The following CPNE4 variants were observed in gnomAD, a reference collection of about 807,000 sequenced individuals.
The protein encoded by CPNE4 is copine-4.
Under a neutral mutation model 67.9 loss-of-function variants are expected in CPNE4, and 25 were observed. That is an observed-to-expected ratio of 0.37 (90% CI 0.27 to 0.51). The LOEUF (loss-of-function observed/expected upper bound fraction) is 0.51. CPNE4 is among the 20% of genes least tolerant of loss of function. The pLI is 0.93. For synonymous variants in CPNE4, 242 were observed against 244.9 expected (o/e 0.99, Z 0.11); for missense variants, 464 against 690.8 (o/e 0.67, Z 3.68).
At chr3:131,628,455 T>C (rs1012169326) in intron 7 of CPNE4, among the ~76,000 whole-genome samples, 5 of 152,268 alleles carry the variant, frequency 3.3e-5, no homozygotes, top group Admixed American at 1.3e-4. Context: ...TTGATTGGAA[T>C]AGTTTCAGAA....
chr3:131,978,551 T>TATAA (rs2072816058), intron 1 of CPNE4, among the ~76,000 whole-genome samples: 1 of 87,244 alleles, frequency 1.1e-5, no homozygotes, highest in African/African-American at 4.9e-5. Flanking sequence ...AATATATATA[T>TATAA]ATATATATGC....
intron 3 of CPNE4, among the ~76,000 whole-genome samples, chr3:131,714,203 T>C (rs1329313362): frequency 2.0e-5 from 3 of 152,118 alleles, no homozygotes; most frequent in Admixed American, 1.3e-4. Context: ...CTCAGCATCA[T>C]CATAACACCC....
intron 15 of CPNE4, among the ~76,000 whole-genome samples, chr3:131,541,878 T>C (rs112731802): frequency 0.039 from 5,986 of 151,840 alleles, 280 homozygotes; most frequent in African/African-American, 0.11. Flanking sequence ...ACCATGTTGG[T>C]CAGGCTGGTC....
chr3:131,800,081 T>A (rs954381643), intron 2 of CPNE4, among the ~76,000 whole-genome samples: 2 of 152,042 alleles, frequency 1.3e-5, no homozygotes, highest in Admixed American at 1.3e-4. Flanking sequence ...CTTCTAATGA[T>A]CCTGTCACCC....
chr3:131,751,920 C>A (rs1040245390), intron 2 of CPNE4, among the ~76,000 whole-genome samples: 3 of 152,112 alleles, frequency 2.0e-5, no homozygotes, highest in Non-Finnish European at 4.4e-5. Flanking sequence ...CTTATTACTG[C>A]TGGGCAGGAA....
intron 2 of CPNE4, among the ~76,000 whole-genome samples, chr3:131,754,477 A>G (rs930304444): frequency 3.3e-5 from 5 of 152,098 alleles, no homozygotes; most frequent in Non-Finnish European, 7.4e-5. Flanking sequence ...TTCGAAAAAC[A>G]TTTAAAAGTT....
At chr3:131,739,268 T>A (rs1185280839) in intron 2 of CPNE4, among the ~76,000 whole-genome samples, 1 of 152,176 alleles carries the variant, frequency 6.6e-6, no homozygotes, top group Non-Finnish European at 1.5e-5. Context: ...CCTGCCCTAA[T>A]CACCAGGTAC....
intron 3 of CPNE4, among the ~76,000 whole-genome samples, chr3:131,708,259 G>T (rs965114732): frequency 6.6e-6 from 1 of 151,952 alleles, no homozygotes; most frequent in African/African-American, 2.4e-5. Context: ...GAAGAAGAAG[G>T]AGCTACTGAG....
At chr3:131,954,035 TAAGA>T (rs1394187456) in intron 1 of CPNE4, among the ~76,000 whole-genome samples, 5 of 152,066 alleles carry the variant, frequency 3.3e-5, no homozygotes, top group African/African-American at 9.7e-5. Context: ...TATGTATAAA[TAAGA>T]AAGACAGCAG....
chr3:131,876,368 C>T (rs193293274), intron 2 of CPNE4, among the ~76,000 whole-genome samples: 1 of 151,544 alleles, frequency 6.6e-6, no homozygotes, highest in South Asian at 2.1e-4. Flanking sequence ...CTCGGCCGGG[C>T]GTGGTGGCTC....
At chr3:131,804,358 T>C (rs1340044218) in intron 2 of CPNE4, among the ~76,000 whole-genome samples, 3 of 152,088 alleles carry the variant, frequency 2.0e-5, no homozygotes, top group Non-Finnish European at 4.4e-5. Context: ...ATACAAATTA[T>C]AAATATCTAT....
intron 2 of CPNE4, among the ~76,000 whole-genome samples, chr3:131,819,567 A>G (rs2084884715): frequency 6.6e-6 from 1 of 152,052 alleles, no homozygotes; most frequent in South Asian, 2.1e-4. Context: ...ATGAATATGT[A>G]TAATTAGATG....
At chr3:131,825,926 TCTATATGCC>T (rs1204547364) in intron 2 of CPNE4, among the ~76,000 whole-genome samples, 1 of 152,226 alleles carries the variant, frequency 6.6e-6, no homozygotes, top group Non-Finnish European at 1.5e-5. Context: ...GCGTTTATAT[TCTATATGCC>T]CTTGGGTCTT....
intron 2 of CPNE4, among the ~76,000 whole-genome samples, chr3:131,853,521 TG>T (rs2086318126): frequency 6.6e-6 from 1 of 151,862 alleles, no homozygotes; most frequent in Non-Finnish European, 1.5e-5. Flanking sequence ...AATTATTTCT[TG>T]GGTAAGATAC....
chr3:131,765,218 C>T (rs557070050), intron 2 of CPNE4, among the ~76,000 whole-genome samples: 1 of 152,220 alleles, frequency 6.6e-6, no homozygotes, highest in Non-Finnish European at 1.5e-5. Flanking sequence ...TCTCTTCTTC[C>T]TGGGAACTGA....
At chr3:131,547,757 A>G (rs1935951579) in intron 14 of CPNE4, among the ~76,000 whole-genome samples, 1 of 152,136 alleles carries the variant, frequency 6.6e-6, no homozygotes, top group African/African-American at 2.4e-5. Flanking sequence ...AGTCCTTTTC[A>G]CAGTCAAACC....
intron 2 of CPNE4, among the ~76,000 whole-genome samples, chr3:131,863,984 T>G (rs1359575745): frequency 2.0e-5 from 3 of 152,228 alleles, no homozygotes; most frequent in African/African-American, 7.2e-5. Flanking sequence ...ATTTCTTGTT[T>G]TTGTCAGGTT....
chr3:131,748,486 A>T (rs532692738), intron 2 of CPNE4, among the ~76,000 whole-genome samples: 1 of 151,900 alleles, frequency 6.6e-6, no homozygotes, highest in East Asian at 1.9e-4. Context: ...CCTTTCTTTT[A>T]TTTTCTAGAA....
At position 131,999,241 on chromosome 3, in the gene CPNE4, T is replaced by TAAAAAAAAAAAAAAAAA. The variant is rs79127364; in HGVS notation, c.-2+35309_-2+35325dup. On this transcript the variant is annotated intron_variant, in intron 1 of 15. Transcript: ENST00000429747. ...CTCAATTATAGGTATTTATCCAAGG[T>TAAAAAAAAAAAAAAAAA]AAAAAAAAAAAAAAAAAAAAAAAGA... Among the ~76,000 whole-genome samples, 113 of 98,786 alleles carry TAAAAAAAAAAAAAAAAA rather than the reference T, an allele frequency of 1.1e-3. 9 individuals carry two copies. Among genetic ancestry groups the TAAAAAAAAAAAAAAAAA allele is most frequent in the African/African-American group, 2.1e-3 (39 of 18,682 alleles). 64.8% of individuals were successfully genotyped at this position (98,786 alleles called of 152,430 possible). A position where few individuals can be genotyped will look rare whatever the true frequency, so the allele number is the denominator to read the frequency against.
Sources: gnomAD v4.1 joint callset for allele counts (sites outside exome capture counted in the v4.1 genomes callset) on GRCh38, gnomAD v4.1.1 for gene constraint, MANE v1.5 for transcripts, NCBI Gene and HGNC (gene_info 2026-07-23, HGNC 2026-07-21) for gene names.